The following DLC1 variants were observed in gnomAD, a reference collection of about 807,000 sequenced individuals.
DLC1 encodes the protein rho GTPase-activating protein 7.
In DLC1, 54 loss-of-function variants were observed where a neutral mutation model predicts 140.3. The observed-to-expected ratio is 0.38, with a 90% CI of 0.31 to 0.48. The LOEUF is 0.48. Ranked by LOEUF, DLC1 falls within the 20% of genes least tolerant of loss-of-function variation. The pLI, the probability that DLC1 is intolerant of heterozygous loss-of-function variation, is 0.96. For missense variants in DLC1, 2,536 were observed against 1,907.0 expected, an observed-to-expected ratio of 1.33 and a Z score of -6.14; for synonymous variants, 986 against 728.1, an observed-to-expected ratio of 1.35 and a Z score of -5.70.
chr8:13,384,503 G>A (rs150178302), intron 4 of DLC1, among the ~76,000 whole-genome samples: 178 of 152,248 alleles, frequency 1.2e-3, no homozygotes, highest in African/African-American at 4.2e-3. Context: ...GTTAATATTT[G>A]CTTGGGAAAT....
intron 6 of DLC1, among the ~76,000 whole-genome samples, chr8:13,113,628 G>A (rs1169963445): frequency 6.6e-6 from 1 of 152,230 alleles, no homozygotes; most frequent in Non-Finnish European, 1.5e-5. Flanking sequence ...AGCCACTTTG[G>A]TGTTACTGCC....
At chr8:13,564,175 AG>A (rs201646351) in intron 1 of DLC1, among the ~76,000 whole-genome samples, 4 of 152,214 alleles carry the variant, frequency 2.6e-5, no homozygotes, top group African/African-American at 9.6e-5. Context: ...TTCAGAAAAA[AG>A]ATAATAACAC....
intron 1 of DLC1, among the ~76,000 whole-genome samples, chr8:13,500,639 C>G (rs1435449397): frequency 6.6e-6 from 1 of 152,206 alleles, no homozygotes; most frequent in Non-Finnish European, 1.5e-5. Flanking sequence ...CACCAGGGAA[C>G]TGTTCATGCA....
intron 1 of DLC1, among the ~76,000 whole-genome samples, chr8:13,590,402 G>C (rs1232063932): frequency 6.6e-6 from 1 of 151,992 alleles, no homozygotes; most frequent in Non-Finnish European, 1.5e-5. Context: ...GTGTGAGAAG[G>C]TGGTCATATA....
At chr8:13,286,162 C>T (rs1270042725) in intron 5 of DLC1, among the ~76,000 whole-genome samples, 3 of 152,052 alleles carry the variant, frequency 2.0e-5, no homozygotes, top group African/African-American at 7.3e-5. Context: ...GTCAAAGAAG[C>T]TCAGTGTTCA....
intron 2 of DLC1, among the ~76,000 whole-genome samples, chr8:13,408,474 G>T (rs2117285192): frequency 6.6e-6 from 1 of 152,264 alleles, no homozygotes; most frequent in South Asian, 2.1e-4. Context: ...GCACTGATTA[G>T]CCAGAACTTT....
chr8:13,484,890 G>A (rs1318108348), intron 2 of DLC1, among the ~76,000 whole-genome samples: 1 of 151,686 alleles, frequency 6.6e-6, no homozygotes. Context: ...AGATTACGTG[G>A]GACTCACAGT....
chr8:13,520,108 C>T (rs192657010), intron 1 of DLC1, among the ~76,000 whole-genome samples: 1 of 152,338 alleles, frequency 6.6e-6, no homozygotes, highest in Non-Finnish European at 1.5e-5. Flanking sequence ...TTTGACCCTG[C>T]AATCCCATTA....
At chr8:13,528,907 C>A (rs1211990894) in intron 1 of DLC1, among the ~76,000 whole-genome samples, 2 of 152,124 alleles carry the variant, frequency 1.3e-5, no homozygotes, top group Non-Finnish European at 2.9e-5. Context: ...TGAAGCCAAT[C>A]TGATGAGGCT....
intron 4 of DLC1, among the ~76,000 whole-genome samples, chr8:13,368,632 C>A (rs1835599496): frequency 6.6e-6 from 1 of 151,898 alleles, no homozygotes; most frequent in Non-Finnish European, 1.5e-5. Context: ...AGTTGACATG[C>A]ATCATTCCTA....
At chr8:13,553,761 C>G (rs976458885) in intron 1 of DLC1, among the ~76,000 whole-genome samples, 11 of 152,112 alleles carry the variant, frequency 7.2e-5, no homozygotes, top group African/African-American at 2.7e-4. Context: ...GCCCATCAGT[C>G]TTTGATCCCT....
intron 5 of DLC1, among the ~76,000 whole-genome samples, chr8:13,191,624 A>G (rs1423122399): frequency 1.3e-5 from 2 of 152,236 alleles, no homozygotes. Context: ...GCTTCCCCAT[A>G]TAAGCCCAGA....
At chr8:13,388,278 G>A (rs1836609034) in intron 4 of DLC1, among the ~76,000 whole-genome samples, 1 of 151,814 alleles carries the variant, frequency 6.6e-6, no homozygotes, top group African/African-American at 2.4e-5. Context: ...CTTTTTCAGT[G>A]GCAATAATGA....
intron 1 of DLC1, among the ~76,000 whole-genome samples, chr8:13,598,228 T>C (rs1805746159): frequency 6.6e-6 from 1 of 152,150 alleles, no homozygotes; most frequent in African/African-American, 2.4e-5. Flanking sequence ...TCATCATCTC[T>C]TTCTTAATTT....
intron 5 of DLC1, among the ~76,000 whole-genome samples, chr8:13,259,542 T>A (rs548318048): frequency 6.6e-6 from 1 of 152,298 alleles, no homozygotes; most frequent in African/African-American, 2.4e-5. Flanking sequence ...AACATTTTTT[T>A]TTACAATAAA....
rs1817343180 is a variant in DLC1 at position 13,083,860 on chromosome 8, A to C, written c.*1951T>G. On this transcript the variant is annotated 3_prime_UTR_variant, in exon 18 of 18. Transcript: ENST00000276297. The stretch of plus-strand genomic sequence containing the variant: ...TTGATGCTAAAATGCTATGCTTTGC[A>C]ATCTGTGGTTTTAAGGGTGGGAGTG... 1 of 152,634 alleles carries C rather than the reference A, an allele frequency of 6.6e-6. No individual in the cohort carries two copies. The highest frequency in any genetic ancestry group is 1.5e-5 in the Non-Finnish European group (1 of 68,044). The allele number at this position is 152,634 out of a possible 1,614,324, so 9.5% of individuals were successfully genotyped here. A position where few individuals can be genotyped will look rare whatever the true frequency, so the allele number is the denominator to read the frequency against.
intron 2 of DLC1, among the ~76,000 whole-genome samples, chr8:13,453,224 T>C (rs1799149947): frequency 6.7e-6 from 1 of 148,706 alleles, no homozygotes; most frequent in South Asian, 2.1e-4. Context: ...GAATGTAATG[T>C]AATGATATAT....
chr8:13,238,900 C>T (rs942825751), intron 5 of DLC1, among the ~76,000 whole-genome samples: 3 of 152,172 alleles, frequency 2.0e-5, no homozygotes, highest in African/African-American at 7.2e-5. Context: ...GCTGAGCCTA[C>T]TGTGTGCACT....
At chr8:13,432,455 T>C (rs1838921160) in intron 2 of DLC1, among the ~76,000 whole-genome samples, 1 of 152,244 alleles carries the variant, frequency 6.6e-6, no homozygotes, top group Non-Finnish European at 1.5e-5. Context: ...CGAATTCTTA[T>C]TTTAATCGTA....
Sources: allele counts gnomAD v4.1 joint callset (sites outside exome capture counted in the v4.1 genomes callset), GRCh38; gene constraint gnomAD v4.1.1; transcripts MANE v1.5; gene names NCBI Gene and HGNC (gene_info 2026-07-23, HGNC 2026-07-21).